The following ARHGAP31 variants were observed in gnomAD, a reference collection of about 807,000 sequenced individuals.
ARHGAP31 encodes rho GTPase-activating protein 31.
A neutral mutation model predicts 113.9 loss-of-function variants in ARHGAP31; 34 were observed. The observed-to-expected ratio is 0.30, with a 90% CI of 0.23 to 0.40. The LOEUF (loss-of-function observed/expected upper bound fraction) is 0.40, where lower values mean the gene tolerates loss of function less well. ARHGAP31 is among the 10% of genes least tolerant of loss of function. The pLI, the probability that ARHGAP31 is intolerant of heterozygous loss-of-function variation, is 1.00. For synonymous variants in ARHGAP31, 650 were observed against 684.8 expected, an observed-to-expected ratio of 0.95 and a Z score of 0.79; for missense variants, 1,548 against 1,767.1, an observed-to-expected ratio of 0.88 and a Z score of 2.22.
chr3:119,359,822 C>T (rs906715872), intron 1 of ARHGAP31, among the ~76,000 whole-genome samples: 5 of 152,104 alleles, frequency 3.3e-5, no homozygotes, highest in Non-Finnish European at 7.4e-5. Flanking sequence ...TGGGAAAATG[C>T]TGAAGAGGGG....
rs756354934 is a variant in ARHGAP31 at position 119,416,412 on chromosome 3, TTAA to T, written c.*150_*152del. ...CTTTCTTCAGCCTTTTGACCACTTA[TTAA>T]TTAGTCCATTTGCTAGAAGAGTGGT... is the stretch of plus-strand genomic sequence containing the variant. On this transcript the variant is annotated 3_prime_UTR_variant, in exon 12 of 12. Transcript: ENST00000264245. 1.6e-5 allele frequency: 18 copies of T among 1,128,958 alleles called. No individual in the cohort carries two copies. The highest frequency in any genetic ancestry group is 2.2e-5 in the Non-Finnish European group (17 of 777,904). The allele number at this position is 1,128,958 out of a possible 1,614,324, so 69.9% of individuals were successfully genotyped here. A position where few individuals can be genotyped will look rare whatever the true frequency, so the allele number is the denominator to read the frequency against.
chr3:119,300,180 G>A (rs988397176), intron 1 of ARHGAP31, among the ~76,000 whole-genome samples: 1 of 152,210 alleles, frequency 6.6e-6, no homozygotes, highest in African/African-American at 2.4e-5. Context: ...CCTCACTCAT[G>A]AAATGATAAT....
intron 1 of ARHGAP31, among the ~76,000 whole-genome samples, chr3:119,311,207 G>A (rs1311492356): frequency 6.6e-6 from 1 of 152,174 alleles, no homozygotes; most frequent in Non-Finnish European, 1.5e-5. Flanking sequence ...TGAGTAAGAA[G>A]AAAACGAGCT....
At chr3:119,329,758 C>T (rs1052819793) in intron 1 of ARHGAP31, 14 of 970,260 alleles carry the variant, frequency 1.4e-5, no homozygotes, top group African/African-American at 1.8e-5. Context: ...ACAGAGCTCA[C>T]GCTCATTCCA....
intron 1 of ARHGAP31, among the ~76,000 whole-genome samples, chr3:119,344,706 G>A (rs188623704): frequency 1.4e-5 from 2 of 144,384 alleles, no homozygotes; most frequent in East Asian, 2.2e-4. Flanking sequence ...CATGGCTCAC[G>A]GCAGCCTCAA....
In ARHGAP31 at chr3:119,414,808, C is replaced by T. The variant is rs542730808; in HGVS notation, c.2879C>T (p.Thr960Met). 29 of 1,614,104 alleles carry T rather than the reference C, an allele frequency of 1.8e-5. No homozygotes were observed. Among genetic ancestry groups the T allele is most frequent in the Non-Finnish European group, 2.3e-5 (27 of 1,180,050 alleles). Reference sequence around the variant, plus strand: ...AGCCATTCTCTAGATAGCAAACCCACGGTTAAAAGCCAGTGGACTCTCGAG... The same window carrying T: ...AGCCATTCTCTAGATAGCAAACCCATGGTTAAAAGCCAGTGGACTCTCGAG... ...RQSHSLDSKP[T>M]VKSQWTLEVP... Residue 960 changes from threonine (T) to methionine (M), a missense_variant, in exon 12 of 12, where the codon ACG (threonine) becomes ATG (methionine). Coordinates refer to ENST00000264245, the MANE Select transcript of ARHGAP31 (RefSeq NM_020754.4).
rs1184382225 is a variant in ARHGAP31, at chr3:119,399,212, T to C, written c.1020T>C (p.Thr340=). The part of the protein sequence containing the change: ...RGQRLSVEKA[T]IRPAKSMDSL... ...TTTTGTCTTTAGTGGAAAAGGCTAC[T>C]ATCCGACCAGCTAAAAGCATGGACT... Residue 340 remains threonine, a synonymous_variant, in exon 9 of 12, where the codon ACT becomes ACC. Transcript: ENST00000264245. The C allele has an allele frequency of 6.2e-7, 1 of 1,613,686 alleles. No individual in the cohort carries two copies. The highest frequency in any genetic ancestry group is 2.2e-5 in the East Asian group (1 of 44,888).
Position 119,414,112 on chromosome 3 carries a change from A to G in ARHGAP31, c.2183A>G (p.Gln728Arg). 3.1e-6 allele frequency: 5 copies of G among 1,614,184 alleles called. No homozygotes were observed. Among genetic ancestry groups the G allele is most frequent in the Non-Finnish European group, 4.2e-6 (5 of 1,180,032 alleles). ...AGGGATCCAGCCAATCAGAGCACAC[A>G]GGGGGCTTCCACAGCAGCCAGCAGA... ...WTRDPANQST[Q>R]GASTAASREK... The change falls in exon 12 of 12, where the codon CAG (glutamine) becomes CGG (arginine). Residue 728 changes from glutamine to arginine, a missense_variant. Gln to Arg is a conservative substitution (Grantham distance 43). Transcript: ENST00000264245.
intron 1 of ARHGAP31, among the ~76,000 whole-genome samples, chr3:119,296,240 T>G (rs557350946): frequency 3.3e-5 from 5 of 152,372 alleles, no homozygotes; most frequent in Admixed American, 2.0e-4. Context: ...GAGTTCAGTC[T>G]GCTGTGTCAT....
chr3:119,317,226 T>A (rs2079740650), intron 1 of ARHGAP31, among the ~76,000 whole-genome samples: 1 of 151,968 alleles, frequency 6.6e-6, no homozygotes, highest in African/African-American at 2.4e-5. Context: ...TCGCCCAGGC[T>A]GGAGTGCAGT....
intron 3 of ARHGAP31, among the ~76,000 whole-genome samples, chr3:119,371,688 AG>A (rs1339187196): frequency 1.3e-5 from 2 of 152,136 alleles, no homozygotes; most frequent in African/African-American, 4.8e-5. Flanking sequence ...GTACATGTTC[AG>A]GTTTGTTATA....
intron 1 of ARHGAP31, among the ~76,000 whole-genome samples, chr3:119,329,641 C>A (rs1015666316): frequency 1.3e-5 from 2 of 152,214 alleles, no homozygotes; most frequent in Non-Finnish European, 2.9e-5. Context: ...TAAACAAAGG[C>A]CTCTCACAGG....
Position 119,414,672 on chromosome 3 carries a change from A to G in ARHGAP31, c.2743A>G (p.Thr915Ala). The G allele has an allele frequency of 6.2e-7, 1 of 1,614,178 alleles. No homozygotes were observed. The highest frequency in any genetic ancestry group is 8.5e-7 in the Non-Finnish European group (1 of 1,180,034). Residue 915 changes from threonine to alanine, a missense_variant, in exon 12 of 12, where the codon ACG (threonine) becomes GCG (alanine). Thr to Ala is a moderately conservative substitution (Grantham distance 58). Transcript: ENST00000264245. The stretch of plus-strand genomic sequence containing the variant: ...GCCCTGGGAGGAACCCCAGTGGGTG[A>G]CGAGTCCCCTTCACTCTCCCACCCT... ...VEPWEEPQWVTSPLHSPTLKD... is the reference protein window; with the variant it reads ...VEPWEEPQWVASPLHSPTLKD...
chr3:119,414,916 T>C lies in ARHGAP31; in HGVS notation c.2987T>C (p.Ile996Thr). Reference sequence around the variant, plus strand: ...CAGCCCCAGGCACCCAGGAGAGAGATTACTGGATGGGATGAGAAAGCCCTG... The same window carrying C: ...CAGCCCCAGGCACCCAGGAGAGAGACTACTGGATGGGATGAGAAAGCCCTG... ...PLQPQAPRRE[I>T]TGWDEKALRS... The change falls in exon 12 of 12, where the codon ATT becomes ACT. Residue 996 changes from isoleucine (I) to threonine (T), a missense_variant. By Grantham distance (89) the Ile-to-Thr change is moderately conservative (BLOSUM62 -1). Coordinates refer to ENST00000264245, the MANE Select transcript of ARHGAP31 (RefSeq NM_020754.4). 1 of 1,614,056 alleles carries C rather than the reference T, an allele frequency of 6.2e-7. No homozygotes were observed.
Position 119,323,058 on chromosome 3 carries a change from G to C in ARHGAP31, c.100+28054G>C, listed in dbSNP as rs115384397. Among the ~76,000 whole-genome samples, 580 of 152,342 alleles carry C rather than the reference G, an allele frequency of 3.8e-3. 4 individuals are homozygous for C. The highest frequency in any genetic ancestry group is 0.013 in the African/African-American group (540 of 41,582). ...TCAAGGCCACGTTCCCTCCGCTCCAGCTCGAAAGACGGTGGCGCTGACTCT... is the reference window on the plus strand; with the variant it reads ...TCAAGGCCACGTTCCCTCCGCTCCACCTCGAAAGACGGTGGCGCTGACTCT... On this transcript the variant is annotated intron_variant, in intron 1 of 11. Transcript: ENST00000264245.
intron 3 of ARHGAP31, among the ~76,000 whole-genome samples, chr3:119,378,048 G>A (rs559358427): frequency 2.6e-5 from 4 of 152,054 alleles, no homozygotes; most frequent in South Asian, 2.1e-4. Context: ...CTCTGCCAGC[G>A]TCCTCCAAGG....
chr3:119,402,272 C>T lies in ARHGAP31; in HGVS notation c.1520C>T (p.Thr507Met), dbSNP rs1430410558. 1.2e-6 allele frequency: 2 copies of T among 1,614,150 alleles called. No homozygotes were observed. Among genetic ancestry groups the T allele is most frequent in the Admixed American group, 3.3e-5 (2 of 60,010 alleles). Residue 507 changes from threonine to methionine, a missense_variant, in exon 10 of 12, where the codon ACG becomes ATG. Transcript: ENST00000264245. Reference protein sequence around the residue: ...RVSAVISTNSTPCRTPPKELQ... With the variant: ...RVSAVISTNSMPCRTPPKELQ... ...TCCGCAGTCATCAGCACCAACAGCACGCCGTGCAGAACACCCCCGAAGGAG... is the reference window on the plus strand; with the variant it reads ...TCCGCAGTCATCAGCACCAACAGCATGCCGTGCAGAACACCCCCGAAGGAG...
chr3:119,397,023 CCT>C (rs1364354550), intron 8 of ARHGAP31, among the ~76,000 whole-genome samples: 1 of 152,220 alleles, frequency 6.6e-6, no homozygotes, highest in African/African-American at 2.4e-5. Flanking sequence ...TCCAGGCTCA[CCT>C]CTGAGTAACG....
chr3:119,355,820 C>A (rs887076273), intron 1 of ARHGAP31, among the ~76,000 whole-genome samples: 4 of 152,118 alleles, frequency 2.6e-5, no homozygotes, highest in Admixed American at 6.5e-5. Context: ...TGAACTCATC[C>A]TTTTTTATGG....
Sources: gnomAD v4.1 joint callset for allele counts (sites outside exome capture counted in the v4.1 genomes callset) on GRCh38, gnomAD v4.1.1 for gene constraint, MANE v1.5 for transcripts, NCBI Gene and HGNC (gene_info 2026-07-23, HGNC 2026-07-21) for gene names.